SDK1: variants seen among roughly 807,000 people sequenced by gnomAD.
The protein encoded by SDK1 is protein sidekick-1.
Under a neutral mutation model 245.5 loss-of-function variants are expected in SDK1, and 157 were observed. That is an observed-to-expected ratio of 0.64 (90% CI 0.56 to 0.73). The LOEUF is 0.73. Ranked by LOEUF, SDK1 falls within the 30% of genes least tolerant of loss-of-function variation. The pLI, the probability that SDK1 is intolerant of heterozygous loss-of-function variation, is 0.00. For synonymous variants in SDK1, 1,647 were observed against 1,278.5 expected, an observed-to-expected ratio of 1.29 and a Z score of -6.15; for missense variants, 3,583 against 3,002.3, an observed-to-expected ratio of 1.19 and a Z score of -4.52.
chr7:3,445,589 A>G (rs984354913), intron 1 of SDK1, among the ~76,000 whole-genome samples: 4 of 152,146 alleles, frequency 2.6e-5, no homozygotes, highest in Admixed American at 6.5e-5. Flanking sequence ...CTCCTAATGG[A>G]TATTGCTTAT....
chr7:3,932,982 C>T (rs950285297), intron 5 of SDK1, among the ~76,000 whole-genome samples: 14 of 152,096 alleles, frequency 9.2e-5, no homozygotes, highest in African/African-American at 2.9e-4. Context: ...CCCAAAGAGG[C>T]TGAGCCCAGA....
At chr7:3,962,935 G>C (rs11979862) in intron 9 of SDK1, 84 bp downstream of exon 9, 12,144 of 466,562 alleles carry the variant, frequency 0.026, 496 homozygotes, top group African/African-American at 0.07. Flanking sequence ...GATGTAACCA[G>C]TGGGTACACC....
At chr7:3,917,674 G>T (rs1202619019) in intron 5 of SDK1, among the ~76,000 whole-genome samples, 4 of 152,156 alleles carry the variant, frequency 2.6e-5, no homozygotes, top group African/African-American at 7.2e-5. Context: ...GGGACCAGCT[G>T]TCAAATTAAA....
At chr7:4,071,818 C>T (rs1015497567) in intron 20 of SDK1, among the ~76,000 whole-genome samples, 6 of 152,148 alleles carry the variant, frequency 3.9e-5, no homozygotes, top group Non-Finnish European at 7.3e-5. Context: ...TCTGGCCTAC[C>T]GTCTGCCCAG....
At chr7:3,800,613 G>T (rs945006291) in intron 4 of SDK1, among the ~76,000 whole-genome samples, 14 of 151,944 alleles carry the variant, frequency 9.2e-5, no homozygotes, top group Non-Finnish European at 1.9e-4. Flanking sequence ...CTCATGATCC[G>T]CCCGCCTCAG....
intron 25 of SDK1, among the ~76,000 whole-genome samples, chr7:4,117,148 T>G (rs1783766221): frequency 1.3e-5 from 2 of 152,140 alleles, no homozygotes; most frequent in Admixed American, 1.3e-4. Context: ...AACAAAAACT[T>G]ATGGATAAAA....
intron 35 of SDK1, among the ~76,000 whole-genome samples, chr7:4,194,355 TATGC>T (rs1323691112): frequency 8.4e-6 from 1 of 119,448 alleles, no homozygotes; most frequent in East Asian, 2.2e-4. Context: ...TAGATATATG[TATGC>T]ACGTATGTGT....
intron 13 of SDK1, among the ~76,000 whole-genome samples, chr7:3,985,840 TAATA>T (rs1313060832): frequency 5.3e-5 from 8 of 152,284 alleles, no homozygotes; most frequent in African/African-American, 1.9e-4. Flanking sequence ...CAAAACAGCT[TAATA>T]AATTTCAAAA....
At chr7:4,122,214 G>C (rs904911494) in intron 25 of SDK1, among the ~76,000 whole-genome samples, 1 of 152,152 alleles carries the variant, frequency 6.6e-6, no homozygotes, top group African/African-American at 2.4e-5. Context: ...GACTGGCAAG[G>C]CCCTCCCAGG....
At chr7:3,841,152 T>C (rs1206634222) in intron 5 of SDK1, among the ~76,000 whole-genome samples, 1 of 152,160 alleles carries the variant, frequency 6.6e-6, no homozygotes, top group African/African-American at 2.4e-5. Flanking sequence ...CTTGCCTCTT[T>C]CCTCGTACCA....
At chr7:3,867,652 A>G (rs1194495381) in intron 5 of SDK1, among the ~76,000 whole-genome samples, 7 of 152,180 alleles carry the variant, frequency 4.6e-5, no homozygotes, top group East Asian at 3.9e-4. Flanking sequence ...ACCTGCTTCC[A>G]TGATTCGGTT....
chr7:3,668,662 G>C (rs1783607491), intron 4 of SDK1, among the ~76,000 whole-genome samples: 1 of 152,154 alleles, frequency 6.6e-6, no homozygotes, highest in Admixed American at 6.5e-5. Flanking sequence ...GTGGTGGTGT[G>C]CACCTGTAAT....
intron 1 of SDK1, among the ~76,000 whole-genome samples, chr7:3,521,627 C>A (rs542310980): frequency 6.6e-6 from 1 of 152,084 alleles, no homozygotes; most frequent in African/African-American, 2.4e-5. Flanking sequence ...GGAGGAAGCA[C>A]GTGAATTTCG....
intron 19 of SDK1, among the ~76,000 whole-genome samples, chr7:4,062,088 T>G (rs948972044): frequency 4.6e-5 from 7 of 151,754 alleles, no homozygotes; most frequent in East Asian, 1.9e-4. Context: ...CATATGTAAC[T>G]AACCTGCACA....
At chr7:3,541,582 CTT>C (rs1779053980) in intron 1 of SDK1, among the ~76,000 whole-genome samples, 1 of 152,176 alleles carries the variant, frequency 6.6e-6, no homozygotes, top group Non-Finnish European at 1.5e-5. Context: ...ACCCATGAAA[CTT>C]TATATATAAC....
At chr7:3,560,105 C>G (rs1263837540) in intron 1 of SDK1, among the ~76,000 whole-genome samples, 2 of 152,158 alleles carry the variant, frequency 1.3e-5, no homozygotes, top group African/African-American at 2.4e-5. Flanking sequence ...AAATTGAATT[C>G]TTCTTTGTAT....
chr7:3,774,690 C>T lies in SDK1; in HGVS notation c.714-46760C>T, dbSNP rs143287216. ...TGGTTCTCTCTCCTCTGCCATCTTC[C>T]CAGAATCATCCTCTGTATCATTTTT... On this transcript the variant is annotated intron_variant, in intron 4 of 44. Coordinates refer to ENST00000404826, the MANE Select transcript of SDK1 (RefSeq NM_152744.4). Among the ~76,000 whole-genome samples the T allele has an allele frequency of 3.8e-3, 578 of 152,168 alleles. 4 individuals carry two copies. Among genetic ancestry groups the T allele is most frequent in the African/African-American group, 0.014 (564 of 41,496 alleles).
rs567448950 is a variant in SDK1 at position 3,790,268 on chromosome 7, A to T, written c.714-31182A>T. Among the ~76,000 whole-genome samples, 4 of 152,272 alleles carry T rather than the reference A, an allele frequency of 2.6e-5. No homozygotes were observed. The South Asian group carries it at 8.3e-4, about 32-fold the overall frequency. ...TCAGAGAGAGGACTTTCAGATATTT[A>T]TATCTGAAAACAGAAATTATACTAG... On this transcript the variant is annotated intron_variant, in intron 4 of 44. Transcript: ENST00000404826.
chr7:3,813,156 A>G (rs892198324), intron 4 of SDK1, among the ~76,000 whole-genome samples: 2 of 150,656 alleles, frequency 1.3e-5, no homozygotes, highest in Non-Finnish European at 1.5e-5. Flanking sequence ...ACATGTGCAC[A>G]TTGTGCAGGT....
Sources: allele counts gnomAD v4.1 joint callset (sites outside exome capture counted in the v4.1 genomes callset), GRCh38; gene constraint gnomAD v4.1.1; transcripts MANE v1.5; gene names NCBI Gene and HGNC (gene_info 2026-07-23, HGNC 2026-07-21).